Variants in DEPDC7 observed in about 807,000 individuals in gnomAD.
DEPDC7 encodes the protein DEP domain containing 7, also known as DEP domain-containing protein 7.
DEPDC7 carries 41 observed loss-of-function variants against 56.6 expected under a neutral mutation model. The ratio of observed to expected loss-of-function variants is 0.72; its 90% confidence interval spans 0.56 to 0.94. The LOEUF is 0.94. DEPDC7 is among the 40% of genes least tolerant of loss of function. DEPDC7 has a pLI of 0.00. For missense variants in DEPDC7, 522 were observed against 596.3 expected, an observed-to-expected ratio of 0.88 and a Z score of 1.30; for synonymous variants, 185 against 208.8, an observed-to-expected ratio of 0.89 and a Z score of 0.98.
chr11:33,016,021 G>T lies in DEPDC7; in HGVS notation c.66G>T (p.Arg22Ser). ...CGGCTCTCCACAGCCCCGCGCACAG[G>T]CCTCCGGGTAGGTGCCGAGGACTGC... ...NLSALHSPAH[R>S]PPGFSVAQKP... Residue 22 changes from arginine (R) to serine (S), a missense_variant, in exon 1 of 9, where the codon AGG (arginine) becomes AGT (serine). Arg to Ser is a moderately radical substitution (Grantham distance 110). Transcript: ENST00000241051. 1 of 1,539,084 alleles carries T rather than the reference G, an allele frequency of 6.5e-7. No individual in the cohort carries two copies. Among genetic ancestry groups the T allele is most frequent in the Non-Finnish European group, 8.7e-7 (1 of 1,142,940 alleles).
chr11:33,029,578 C>T (rs1189280335), intron 4 of DEPDC7, among the ~76,000 whole-genome samples: 1 of 150,726 alleles, frequency 6.6e-6, no homozygotes, highest in African/African-American at 2.4e-5. Flanking sequence ...GAAGGCTTAA[C>T]TTTAGGTGCT....
intron 1 of DEPDC7, among the ~76,000 whole-genome samples, chr11:33,022,253 A>G (rs1000668074): frequency 1.3e-5 from 2 of 152,220 alleles, no homozygotes; most frequent in Non-Finnish European, 2.9e-5. Context: ...CTGTTTTTAA[A>G]TAGCTTGGTT....
At chr11:33,019,510 C>A (rs756289435) in intron 1 of DEPDC7, among the ~76,000 whole-genome samples, 4 of 151,624 alleles carry the variant, frequency 2.6e-5, no homozygotes, top group Non-Finnish European at 4.4e-5. Context: ...TACTAAAAAT[C>A]CAAAAATTGT....
intron 1 of DEPDC7, among the ~76,000 whole-genome samples, chr11:33,019,216 G>T (rs1007311820): frequency 2.6e-5 from 4 of 152,134 alleles, no homozygotes; most frequent in African/African-American, 9.7e-5. Flanking sequence ...TGTTGTGGGT[G>T]CTGTCTGTGC....
intron 8 of DEPDC7, 116 bp downstream of exon 8, chr11:33,033,083 C>T (rs1328963887): frequency 1.0e-6 from 1 of 993,592 alleles, no homozygotes; most frequent in African/African-American, 1.6e-5. Flanking sequence ...AAACATTCTC[C>T]TCAGAGTTAT....
Position 33,025,983 on chromosome 11 carries a change from G to T in DEPDC7, c.398G>T (p.Arg133Ile), listed in dbSNP as rs1370803777. Reference protein sequence around the residue: ...TFEDSSCSLYRFTTIPNQDSQ... With the variant: ...TFEDSSCSLYIFTTIPNQDSQ... ...GAAGATAGTAGTTGCAGCCTTTATA[G>T]ATTCACCACAATACCTAACCAAGAC... Residue 133 changes from arginine (R) to isoleucine (I), a missense_variant, in exon 2 of 9, where the codon AGA becomes ATA. By Grantham distance (97) the Arg-to-Ile change is moderately conservative (BLOSUM62 -3). Transcript: ENST00000241051. The T allele has an allele frequency of 1.2e-6, 2 of 1,614,040 alleles. No individual in the cohort carries two copies. The highest frequency in any genetic ancestry group is 1.7e-6 in the Non-Finnish European group (2 of 1,180,012).
At chr11:33,017,848 G>A (rs2133656203) in intron 1 of DEPDC7, among the ~76,000 whole-genome samples, 1 of 152,310 alleles carries the variant, frequency 6.6e-6, no homozygotes, top group East Asian at 1.9e-4. Flanking sequence ...CAGCCAGTAT[G>A]TCAAAAACAC....
At chr11:33,026,197 A>C (rs1853576827) in intron 2 of DEPDC7, 148 bp downstream of exon 2, 1 of 835,094 alleles carries the variant, frequency 1.2e-6, no homozygotes, top group Admixed American at 2.3e-5. Context: ...AGTGCGATGA[A>C]ATTTTGTTAG....
intron 1 of DEPDC7, 52 bp downstream of exon 1, chr11:33,016,080 C>A (rs1285522247): frequency 1.5e-6 from 2 of 1,343,442 alleles, no homozygotes; most frequent in African/African-American, 1.5e-5. Context: ...CTGGGGTGCG[C>A]GGGCTGGGTC....
rs939528353 is a variant in DEPDC7, at chr11:33,025,709, A to T, written c.124A>T (p.Ile42Phe). The part of the protein sequence containing the change: ...PFGATYVWSS[I>F]INTLQTQVEV... ...TGGAGCCACGTATGTATGGAGCAGC[A>T]TCATAAACACTCTTCAAACACAAGT... is the stretch of plus-strand genomic sequence containing the variant. Residue 42 changes from isoleucine to phenylalanine, a missense_variant, in exon 2 of 9, where the codon ATC becomes TTC. By Grantham distance (21) the Ile-to-Phe change is conservative. Coordinates refer to ENST00000241051, the MANE Select transcript of DEPDC7 (RefSeq NM_001077242.2). 9 of 1,613,982 alleles carry T rather than the reference A, an allele frequency of 5.6e-6. No individual in the cohort carries two copies. In the African/African-American group the frequency reaches 1.2e-4, roughly 22 times the overall value.
At chr11:33,029,830 A>T (rs748220941) in intron 4 of DEPDC7, among the ~76,000 whole-genome samples, 4 of 152,242 alleles carry the variant, frequency 2.6e-5, no homozygotes, top group African/African-American at 9.6e-5. Context: ...TATTAATACT[A>T]TAAACAGTTG....
intron 1 of DEPDC7, 80 bp from the exon 2 acceptor site, chr11:33,025,579 T>C: frequency 7.3e-7 from 1 of 1,362,198 alleles, no homozygotes; most frequent in South Asian, 1.4e-5. Flanking sequence ...TACCACATTT[T>C]TGCCTAAGGA....
chr11:33,032,403 T>C lies in DEPDC7; in HGVS notation c.1062T>C (p.Asn354=), dbSNP rs1419411076. ...TTCTAAAGCTTTTAGATTTCCAAAATAGAGAAGAATTTAGAAGACTACTGT... is the reference window on the plus strand; with the variant it reads ...TTCTAAAGCTTTTAGATTTCCAAAACAGAGAAGAATTTAGAAGACTACTGT... ...QLLLKLLDFQ[N]REEFRRLLYF... The change falls in exon 6 of 9, where the codon AAT becomes AAC. Residue 354 remains asparagine, a synonymous_variant. Coordinates refer to ENST00000241051, the MANE Select transcript of DEPDC7 (RefSeq NM_001077242.2). The C allele has an allele frequency of 6.3e-7, 1 of 1,580,500 alleles. No individual in the cohort carries two copies. The highest frequency in any genetic ancestry group is 2.1e-5 in the Admixed American group (1 of 48,074).
Position 33,029,122 on chromosome 11 carries a change from G to A in DEPDC7, c.782+330G>A, listed in dbSNP as rs182205258. Among the ~76,000 whole-genome samples, 1,312 of 151,390 alleles carry A rather than the reference G, an allele frequency of 8.7e-3. 5 individuals are homozygous for A. Among genetic ancestry groups the A allele is most frequent in the Non-Finnish European group, 0.013 (877 of 67,928 alleles). On this transcript the variant is annotated intron_variant, in intron 4 of 8. Coordinates refer to ENST00000241051, the MANE Select transcript of DEPDC7 (RefSeq NM_001077242.2). ...AAAGGGACCTGGAAGAATAGAAACA[G>A]ATTTGACAGATTATTGAGATCCTTT...
intron 1 of DEPDC7, among the ~76,000 whole-genome samples, chr11:33,023,011 G>A (rs1459675844): frequency 6.6e-6 from 1 of 152,046 alleles, no homozygotes; most frequent in Non-Finnish European, 1.5e-5. Context: ...GGATCACGAG[G>A]TCAGGAGATC....
At position 33,016,627 on chromosome 11, in the gene DEPDC7, TAGA is replaced by T. The variant is rs761789836; in HGVS notation, c.73+602_73+604del. 2.0e-5 allele frequency: 32 copies of T among 1,600,874 alleles called. No homozygotes were observed. The Middle Eastern group carries it at 2.3e-3, about 116-fold the overall frequency. On this transcript the variant is annotated intron_variant, in intron 1 of 8. Transcript: ENST00000241051. ...TATGTATAAGCAGTATTTTAGTGAA[TAGA>T]AGTTTTTGGCTAAAAAAACAGTTAC...
intron 4 of DEPDC7, among the ~76,000 whole-genome samples, chr11:33,030,452 C>T (rs1251020226): frequency 6.6e-6 from 1 of 150,744 alleles, no homozygotes; most frequent in Non-Finnish European, 1.5e-5. Context: ...TGCTTTTTAA[C>T]GATAGATAGA....
rs547100470 is a variant in DEPDC7 at position 33,033,570 on chromosome 11, T to C, written c.*115T>C. The C allele has an allele frequency of 3.4e-4, 247 of 725,238 alleles. 3 individuals are homozygous for C. In the Middle Eastern group the frequency reaches 3.7e-3, roughly 11 times the overall value. The allele number at this position is 725,238 out of a possible 1,614,324, so 44.9% of individuals were successfully genotyped here. A position where few individuals can be genotyped will look rare whatever the true frequency, so the allele number is the denominator to read the frequency against. ...AATTTGAAACTGTACTTAATAAAAA[T>C]TTTTTTGTATAACTTCGTGTGTCAG... On this transcript the variant is annotated 3_prime_UTR_variant, in exon 9 of 9. Transcript: ENST00000241051.
intron 2 of DEPDC7, 139 bp from the exon 3 acceptor site, chr11:33,027,546 AT>A: frequency 1.6e-6 from 1 of 635,920 alleles, no homozygotes; most frequent in Non-Finnish European, 2.3e-6. Flanking sequence ...TGTTTTTATA[AT>A]TTATTCTACT....
Sources: allele counts gnomAD v4.1 joint callset (sites outside exome capture counted in the v4.1 genomes callset), GRCh38; gene constraint gnomAD v4.1.1; transcripts MANE v1.5; gene names NCBI Gene and HGNC (gene_info 2026-07-23, HGNC 2026-07-21).